The following SSBP3 variants were observed in gnomAD, a reference collection of about 807,000 sequenced individuals.
SSBP3 encodes single stranded DNA binding protein 3.
Under a neutral mutation model 69.6 loss-of-function variants are expected in SSBP3, and 5 were observed. The ratio of observed to expected loss-of-function variants is 0.07; its 90% CI spans 0.04 to 0.15. The LOEUF is 0.15. Among genes scored for constraint, SSBP3 ranks in the 10% least tolerant of loss-of-function variants. The pLI is 1.00. For synonymous variants in SSBP3, 196 were observed against 193.4 expected (o/e 1.01, Z -0.11); for missense variants, 312 against 534.0 (o/e 0.58, Z 4.10).
chr1:54,412,977 G>A (rs1309265070), intron 1 of SSBP3: 1 of 152,192 alleles, frequency 6.6e-6, no homozygotes, highest in Non-Finnish European at 1.5e-5. Context: ...GCCTCCCAAA[G>A]TGCTGGGATT....
chr1:54,303,054 T>C (rs1318590384), intron 4 of SSBP3, among the ~76,000 whole-genome samples: 3 of 152,240 alleles, frequency 2.0e-5, no homozygotes, highest in Admixed American at 2.0e-4. Flanking sequence ...GCTAGCGGTA[T>C]TATATCCTGA....
At chr1:54,324,598 GAGA>G (rs1285066230) in intron 4 of SSBP3, among the ~76,000 whole-genome samples, 3 of 152,214 alleles carry the variant, frequency 2.0e-5, no homozygotes, top group African/African-American at 7.2e-5. Context: ...AGGCCGAGGA[GAGA>G]AGGCCAGCCT....
At chr1:54,254,718 T>C (rs890043264) in intron 7 of SSBP3, among the ~76,000 whole-genome samples, 1 of 152,202 alleles carries the variant, frequency 6.6e-6, no homozygotes, top group Non-Finnish European at 1.5e-5. Flanking sequence ...GAGGGCACTC[T>C]TCAAGAAAGC....
chr1:54,344,002 A>G lies in SSBP3; in HGVS notation c.276+57859T>C, dbSNP rs372909467. Among the ~76,000 whole-genome samples, 47 of 151,972 alleles carry G rather than the reference A, an allele frequency of 3.1e-4. 1 individual carries two copies. Among genetic ancestry groups the G allele is most frequent in the African/African-American group, 1.1e-3 (44 of 41,270 alleles). Reference sequence around the variant, plus strand: ...CATGGGATCCAAGAAGACCCGAAGGAGAAAAAGAAGAGATGGTGGGAAGCT... The same window carrying G: ...CATGGGATCCAAGAAGACCCGAAGGGGAAAAAGAAGAGATGGTGGGAAGCT... On this transcript the variant is annotated intron_variant, in intron 4 of 17. Transcript: ENST00000610401.
At chr1:54,378,661 GA>G in intron 4 of SSBP3, among the ~76,000 whole-genome samples, 1 of 152,324 alleles carries the variant, frequency 6.6e-6, no homozygotes, top group South Asian at 2.1e-4. Context: ...CCAAGGCGCT[GA>G]CAGCCAGGCC....
At chr1:54,304,897 C>T (rs919230269) in intron 4 of SSBP3, among the ~76,000 whole-genome samples, 1 of 152,158 alleles carries the variant, frequency 6.6e-6, no homozygotes, top group Non-Finnish European at 1.5e-5. Context: ...CAGAGAAACA[C>T]ATTCTCAGAG....
intron 4 of SSBP3, among the ~76,000 whole-genome samples, chr1:54,345,444 C>T (rs907923195): frequency 7.9e-5 from 12 of 152,234 alleles, no homozygotes; most frequent in Non-Finnish European, 1.3e-4. Flanking sequence ...CCTCTAAGCC[C>T]ATGGTCCCAG....
chr1:54,389,088 GT>G (rs1648291204), intron 4 of SSBP3, among the ~76,000 whole-genome samples: 1 of 152,138 alleles, frequency 6.6e-6, no homozygotes, highest in Non-Finnish European at 1.5e-5. Flanking sequence ...AATTTCCAAT[GT>G]TTTTCTGTTG....
At chr1:54,407,749 A>ATTTTT (rs532968816), upstream of SSBP3, among the ~76,000 whole-genome samples, 199 of 97,516 alleles carry the variant, frequency 2.0e-3, 4 homozygotes, top group African/African-American at 5.3e-3. Flanking sequence ...GCCTAGGTTG[A>ATTTTT]TTTTTTTTTT....
chr1:54,289,285 G>A (rs192857545), intron 4 of SSBP3, among the ~76,000 whole-genome samples: 5 of 151,832 alleles, frequency 3.3e-5, no homozygotes, highest in Admixed American at 3.3e-4. Context: ...GGGTGTGTAT[G>A]TGTGTGTCTG....
At chr1:54,369,219 G>A (rs1320085279) in intron 4 of SSBP3, among the ~76,000 whole-genome samples, 2 of 53,120 alleles carry the variant, frequency 3.8e-5, no homozygotes, top group South Asian at 1.7e-3. Flanking sequence ...CTCTTGAGTC[G>A]GGGGGGGGGC....
intron 4 of SSBP3, among the ~76,000 whole-genome samples, chr1:54,387,779 C>T (rs1223811780): frequency 3.3e-5 from 5 of 152,148 alleles, no homozygotes; most frequent in Non-Finnish European, 7.3e-5. Flanking sequence ...CTCCTGCGAT[C>T]GGCTCTCCAC....
intron 4 of SSBP3, among the ~76,000 whole-genome samples, chr1:54,306,551 G>C (rs1162364953): frequency 6.6e-6 from 1 of 152,212 alleles, no homozygotes; most frequent in Non-Finnish European, 1.5e-5. Flanking sequence ...GGGTACACCA[G>C]GGCCAGGACC....
chr1:54,393,067 G>A (rs1487004371), intron 4 of SSBP3, among the ~76,000 whole-genome samples: 1 of 152,236 alleles, frequency 6.6e-6, no homozygotes, highest in Non-Finnish European at 1.5e-5. Context: ...TCATGGTGAA[G>A]AGGCCAAAGT....
At chr1:54,406,056 G>GCCGCCGCCGCCA in exon 1 of SSBP3, 1 of 1,384,596 alleles carries the variant, frequency 7.2e-7, no homozygotes, top group East Asian at 3.2e-5. Context: ...CGCCGCCGCC[G>GCCGCCGCCGCCA]CCGCTACCGC....
In SSBP3 at chr1:54,243,227, T is replaced by C. The variant is rs770323580; in HGVS notation, c.716+8A>G. On this transcript the variant is annotated splice_region_variant and intron_variant, in intron 10 of 17. Coordinates refer to ENST00000610401, the Ensembl canonical transcript of SSBP3. ...TCTGAGCCACGGGCCGGGTCGTTTT[T>C]GCCTTACATGTTAATCCCGGGCATG... 6.2e-7 allele frequency: 1 copy of C among 1,613,848 alleles called. No individual in the cohort carries two copies. The highest frequency in any genetic ancestry group is 8.5e-7 in the Non-Finnish European group (1 of 1,179,808).
At chr1:54,384,038 G>A (rs1177370393) in intron 4 of SSBP3, among the ~76,000 whole-genome samples, 3 of 150,296 alleles carry the variant, frequency 2.0e-5, no homozygotes, top group Admixed American at 6.7e-5. Flanking sequence ...CCCAGGAGGC[G>A]GAGCTTGCAG....
chr1:54,410,055 G>T (rs559813327), upstream of SSBP3, among the ~76,000 whole-genome samples: 1 of 152,286 alleles, frequency 6.6e-6, no homozygotes, highest in African/African-American at 2.4e-5. Context: ...GTTCAGGGGT[G>T]CATTTTCCCC....
chr1:54,235,448 ATTTTTTTTTTTTT>A (rs71580002), intron 14 of SSBP3, among the ~76,000 whole-genome samples: 11 of 69,922 alleles, frequency 1.6e-4, no homozygotes, highest in East Asian at 4.1e-4. Flanking sequence ...TGCCCGGCTG[ATTTTTTTTTTTTT>A]TTTTTTTTTT....
Sources: gnomAD v4.1 joint callset for allele counts (sites outside exome capture counted in the v4.1 genomes callset) on GRCh38, gnomAD v4.1.1 for gene constraint, MANE v1.5 for transcripts, NCBI Gene and HGNC (gene_info 2026-07-23, HGNC 2026-07-21) for gene names.